The following SYN3 variants were observed in gnomAD, a reference collection of about 807,000 sequenced individuals.
SYN3 encodes the protein synapsin-3.
A neutral mutation model predicts 65.8 loss-of-function variants in SYN3; 35 were observed. That is an observed-to-expected ratio of 0.53 (90% CI 0.41 to 0.70). The LOEUF (loss-of-function observed/expected upper bound fraction) is 0.70, where lower values mean the gene tolerates loss of function less well. Ranked by LOEUF, SYN3 falls within the 30% of genes least tolerant of loss-of-function variation. The pLI, the probability that SYN3 is intolerant of heterozygous loss-of-function variation, is 0.00. For synonymous variants in SYN3, 270 were observed against 292.9 expected, an observed-to-expected ratio of 0.92 and a Z score of 0.80; for missense variants, 680 against 749.0, an observed-to-expected ratio of 0.91 and a Z score of 1.08.
At chr22:32,517,946 G>T in intron 13 of SYN3, 97 bp downstream of exon 13, 1 of 1,317,680 alleles carries the variant, frequency 7.6e-7, no homozygotes, top group Non-Finnish European at 9.9e-7. Context: ...GCCTCGTTGG[G>T]TCTTCCTTTG....
intron 6 of SYN3, among the ~76,000 whole-genome samples, chr22:32,720,000 G>T (rs1252764786): frequency 6.6e-6 from 1 of 152,214 alleles, no homozygotes; most frequent in Non-Finnish European, 1.5e-5. Flanking sequence ...CAGGAAGCAG[G>T]TAGATACCCA....
chr22:32,774,299 T>C (rs2045852437), intron 6 of SYN3, among the ~76,000 whole-genome samples: 1 of 152,164 alleles, frequency 6.6e-6, no homozygotes. Context: ...TAGGGCGGGC[T>C]TTAATCCAAT....
At chr22:32,573,496 C>A (rs1251725102) in intron 7 of SYN3, among the ~76,000 whole-genome samples, 1 of 152,118 alleles carries the variant, frequency 6.6e-6, no homozygotes, top group Non-Finnish European at 1.5e-5. Context: ...GGACTGAGTT[C>A]ATCAAAAGGG....
At chr22:32,550,119 C>G (rs2146292527) in intron 7 of SYN3, among the ~76,000 whole-genome samples, 2 of 152,048 alleles carry the variant, frequency 1.3e-5, no homozygotes, top group East Asian at 3.9e-4. Flanking sequence ...GTTAGTCTAA[C>G]AATATATTAA....
chr22:32,651,680 TC>T (rs1168833923), intron 6 of SYN3, among the ~76,000 whole-genome samples: 13 of 152,256 alleles, frequency 8.5e-5, no homozygotes, highest in African/African-American at 3.1e-4. Flanking sequence ...GCTTTAGACA[TC>T]TCAGTTCGCC....
At chr22:32,970,400 G>T (rs1320401040) in intron 3 of SYN3, among the ~76,000 whole-genome samples, 1 of 151,518 alleles carries the variant, frequency 6.6e-6, no homozygotes, top group African/African-American at 2.4e-5. Flanking sequence ...CCGACACTTT[G>T]TGAGGCCAAG....
intron 1 of SYN3, among the ~76,000 whole-genome samples, chr22:33,023,588 T>C (rs546966451): frequency 2.0e-5 from 3 of 152,318 alleles, no homozygotes; most frequent in African/African-American, 2.4e-5. Context: ...TGGTGACACA[T>C]GCCTGTGGTC....
chr22:33,047,397 C>G (rs2054086442), intron 1 of SYN3, among the ~76,000 whole-genome samples: 1 of 152,200 alleles, frequency 6.6e-6, no homozygotes, highest in Non-Finnish European at 1.5e-5. Flanking sequence ...TGGAGCCATA[C>G]TTTGACTCAA....
At chr22:32,641,367 G>C (rs908732697) in intron 6 of SYN3, among the ~76,000 whole-genome samples, 4 of 152,126 alleles carry the variant, frequency 2.6e-5, no homozygotes, top group African/African-American at 9.7e-5. Context: ...CCAGCACTTT[G>C]GGAGGCTGAG....
At chr22:32,935,519 C>G (rs2050751223) in intron 3 of SYN3, among the ~76,000 whole-genome samples, 1 of 147,282 alleles carries the variant, frequency 6.8e-6, no homozygotes, top group Non-Finnish European at 1.5e-5. Flanking sequence ...GGCGTGATCT[C>G]AGCTCACTGC....
In SYN3 at chr22:32,773,504, G is replaced by A. The variant is rs56283234; in HGVS notation, c.711+91411C>T. The stretch of plus-strand genomic sequence containing the variant: ...CTGGCTGGGGACAAAGATCTGAGAC[G>A]GCCAGATCCTCCTCTTTCTCAAAAG... On this transcript the variant is annotated intron_variant, in intron 6 of 13. Transcript: ENST00000358763. Among the ~76,000 whole-genome samples, 1,109 of 151,724 alleles carry A rather than the reference G, an allele frequency of 7.3e-3. 15 individuals carry two copies. The highest frequency in any genetic ancestry group is 0.025 in the African/African-American group (1,026 of 41,362).
intron 6 of SYN3, among the ~76,000 whole-genome samples, chr22:32,815,602 C>T (rs1021639516): frequency 6.6e-6 from 1 of 152,110 alleles, no homozygotes; most frequent in East Asian, 1.9e-4. Flanking sequence ...TATTTGTTGA[C>T]AGCTATTTTA....
At chr22:32,533,383 T>C (rs973187031) in intron 10 of SYN3, among the ~76,000 whole-genome samples, 3 of 152,080 alleles carry the variant, frequency 2.0e-5, no homozygotes, top group Non-Finnish European at 4.4e-5. Context: ...GGGAGCCCCC[T>C]AAGGCCATGT....
chr22:32,798,976 C>A (rs764969133), intron 6 of SYN3, among the ~76,000 whole-genome samples: 3 of 151,956 alleles, frequency 2.0e-5, no homozygotes, highest in Non-Finnish European at 4.4e-5. Context: ...CAGGCGTGAG[C>A]CACCGCACCC....
chr22:32,978,173 G>C (rs1276111897), intron 3 of SYN3, among the ~76,000 whole-genome samples: 1 of 152,180 alleles, frequency 6.6e-6, no homozygotes, highest in Non-Finnish European at 1.5e-5. Flanking sequence ...GGCTGTTGAT[G>C]AGGAAGACTG....
chr22:32,722,414 G>T (rs186643343), intron 6 of SYN3, among the ~76,000 whole-genome samples: 3 of 152,320 alleles, frequency 2.0e-5, no homozygotes, highest in Admixed American at 2.0e-4. Context: ...TCGGATACAG[G>T]CTGTGAAGGA....
At chr22:32,694,742 T>C (rs2060713259) in intron 6 of SYN3, among the ~76,000 whole-genome samples, 1 of 152,202 alleles carries the variant, frequency 6.6e-6, no homozygotes, top group Non-Finnish European at 1.5e-5. Flanking sequence ...CAATCCTCTA[T>C]GGATACTGAG....
intron 7 of SYN3, among the ~76,000 whole-genome samples, chr22:32,578,384 C>A (rs998461170): frequency 1.2e-4 from 19 of 152,030 alleles, no homozygotes; most frequent in Non-Finnish European, 2.1e-4. Context: ...GTATCCAGGA[C>A]AACAGGTGTG....
chr22:32,975,924 AC>A (rs1188690651), intron 3 of SYN3, among the ~76,000 whole-genome samples: 2 of 152,214 alleles, frequency 1.3e-5, no homozygotes, highest in East Asian at 3.8e-4. Flanking sequence ...CTTGTTGACA[AC>A]TGTTTCTTGA....
Sources: gnomAD v4.1 joint callset for allele counts (sites outside exome capture counted in the v4.1 genomes callset) on GRCh38, gnomAD v4.1.1 for gene constraint, MANE v1.5 for transcripts, NCBI Gene and HGNC (gene_info 2026-07-23, HGNC 2026-07-21) for gene names.